TLK1: variants seen among roughly 807,000 people sequenced by gnomAD.
The protein encoded by TLK1 is serine/threonine-protein kinase tousled-like 1.
A neutral mutation model predicts 105.3 loss-of-function variants in TLK1; 24 were observed. That is an observed-to-expected ratio of 0.23 (90% CI 0.17 to 0.32). TLK1 has a LOEUF of 0.32. Ranked by LOEUF, TLK1 falls within the 10% of genes least tolerant of loss-of-function variation. The pLI, the probability that TLK1 is intolerant of heterozygous loss-of-function variation, is 1.00. For synonymous variants in TLK1, 321 were observed against 310.4 expected (o/e 1.03, Z -0.36); for missense variants, 558 against 910.5 (o/e 0.61, Z 4.98).
chr2:171,031,179 A>T (rs1350989914), intron 11 of TLK1, among the ~76,000 whole-genome samples: 1 of 152,212 alleles, frequency 6.6e-6, no homozygotes, highest in Non-Finnish European at 1.5e-5. Context: ...GCCATTTCTT[A>T]CATTTTCTCT....
At chr2:171,055,514 GATT>G (rs1398967231) in intron 6 of TLK1, among the ~76,000 whole-genome samples, 2 of 151,614 alleles carry the variant, frequency 1.3e-5, no homozygotes, top group Non-Finnish European at 3.0e-5. Context: ...ATTAAACAAT[GATT>G]ATGATAGTTG....
intron 18 of TLK1, among the ~76,000 whole-genome samples, chr2:171,002,311 T>C (rs1273783127): frequency 6.6e-6 from 1 of 151,994 alleles, no homozygotes; most frequent in Non-Finnish European, 1.5e-5. Flanking sequence ...CAGGCTGGAG[T>C]GCCATGGCAC....
chr2:170,999,716 G>C (rs1684264887), intron 18 of TLK1, among the ~76,000 whole-genome samples: 1 of 152,180 alleles, frequency 6.6e-6, no homozygotes. Context: ...CAATATAGGG[G>C]TTGGAGGCAC....
intron 12 of TLK1, among the ~76,000 whole-genome samples, chr2:171,018,820 G>C (rs1482989531): frequency 2.0e-5 from 3 of 152,114 alleles, no homozygotes; most frequent in Non-Finnish European, 4.4e-5. Flanking sequence ...CTCCAGAAAT[G>C]AACTGGTCTC....
chr2:171,150,852 T>C (rs2105596212), intron 1 of TLK1, among the ~76,000 whole-genome samples: 1 of 152,318 alleles, frequency 6.6e-6, no homozygotes, highest in South Asian at 2.1e-4. Context: ...TGTTATTACG[T>C]GTAACCAAAG....
intron 1 of TLK1, among the ~76,000 whole-genome samples, chr2:171,201,776 G>T (rs1235151809): frequency 6.6e-6 from 1 of 152,152 alleles, no homozygotes; most frequent in African/African-American, 2.4e-5. Context: ...TTCACGCACG[G>T]TCTCTGCAGG....
At chr2:171,076,532 G>A (rs1349139399) in intron 3 of TLK1, among the ~76,000 whole-genome samples, 1 of 152,056 alleles carries the variant, frequency 6.6e-6, no homozygotes, top group Non-Finnish European at 1.5e-5. Context: ...TGAGACACAA[G>A]ATCATTGTGT....
At chr2:171,177,431 C>CTGCACCTGGCCTTGCATTTTTGAATG (rs1427459604) in intron 1 of TLK1, among the ~76,000 whole-genome samples, 1 of 152,178 alleles carries the variant, frequency 6.6e-6, no homozygotes, top group African/African-American at 2.4e-5. Flanking sequence ...GCATTAGCCA[C>CTGCACCTGGCCTTGCATTTTTGAATG]CTCATTGGGC....
At position 171,222,581 on chromosome 2, in the gene TLK1, C is replaced by G. The variant is rs919664052; in HGVS notation, c.-6+8564G>C. On this transcript the variant is annotated intron_variant, in intron 1 of 20. Transcript: ENST00000521943. Reference sequence around the variant, plus strand: ...GCCTGGGCTCAAGTGATCCACCCCCCTCTGCCTCCCAAAGTGGTCTTTTTA... The same window carrying G: ...GCCTGGGCTCAAGTGATCCACCCCCGTCTGCCTCCCAAAGTGGTCTTTTTA... Among the ~76,000 whole-genome samples, 6 of 152,218 alleles carry G rather than the reference C, an allele frequency of 3.9e-5. No individual in the cohort carries two copies. In the South Asian group the frequency reaches 8.3e-4, roughly 21 times the overall value.
intron 1 of TLK1, among the ~76,000 whole-genome samples, chr2:171,224,944 C>A (rs576756104): frequency 1.9e-4 from 29 of 152,190 alleles, no homozygotes; most frequent in Middle Eastern, 3.4e-3. Context: ...GGTTTCATGA[C>A]AATTCAATGA....
chr2:171,170,281 G>T (rs1692701947), intron 1 of TLK1, among the ~76,000 whole-genome samples: 1 of 152,146 alleles, frequency 6.6e-6, no homozygotes, highest in South Asian at 2.1e-4. Context: ...CATTAAAATA[G>T]AATTCAAAGC....
At chr2:171,146,625 G>A (rs921442674) in intron 1 of TLK1, among the ~76,000 whole-genome samples, 5 of 152,058 alleles carry the variant, frequency 3.3e-5, no homozygotes, top group Admixed American at 2.0e-4. Context: ...TTGGCTTTGG[G>A]CTCTTGATAA....
chr2:171,032,636 G>T (rs182980022), intron 11 of TLK1, among the ~76,000 whole-genome samples: 2 of 152,238 alleles, frequency 1.3e-5, no homozygotes, highest in Admixed American at 6.5e-5. Context: ...ACAGATTGGA[G>T]ACTTTCAAAA....
intron 12 of TLK1, among the ~76,000 whole-genome samples, chr2:171,027,840 G>A (rs761190186): frequency 8.5e-5 from 13 of 152,160 alleles, no homozygotes; most frequent in Non-Finnish European, 1.8e-4. Flanking sequence ...ACAAGATAAA[G>A]GAATGTTGTT....
In TLK1 at chr2:171,027,859, C is replaced by T. The variant is rs553639925; in HGVS notation, c.1236+480G>A. Among the ~76,000 whole-genome samples the T allele has an allele frequency of 5.9e-5, 9 of 152,260 alleles. No homozygotes were observed. The South Asian group carries it at 1.2e-3, about 21-fold the overall frequency. On this transcript the variant is annotated intron_variant, in intron 12 of 20. Transcript: ENST00000431350. ...GATAAAGGAATGTTGTTTTAATATA[C>T]TCAACATAAAAATGTAATTTTGGCC...
chr2:171,104,877 A>G (rs1441280052), intron 2 of TLK1, among the ~76,000 whole-genome samples: 2 of 152,248 alleles, frequency 1.3e-5, no homozygotes. Context: ...AATAGAACCC[A>G]GAAATAAATC....
chr2:171,069,099 T>C (rs1417064239), intron 3 of TLK1, among the ~76,000 whole-genome samples: 1 of 152,254 alleles, frequency 6.6e-6, no homozygotes, highest in Non-Finnish European at 1.5e-5. Flanking sequence ...GCAAATTTGA[T>C]AATTACTGTA....
intron 1 of TLK1, among the ~76,000 whole-genome samples, chr2:171,186,835 G>A (rs752043360): frequency 3.6e-4 from 54 of 151,944 alleles, no homozygotes; most frequent in Non-Finnish European, 7.5e-4. Context: ...CGAGACGGGT[G>A]GATCACGAGG....
At chr2:171,074,419 G>C (rs950080117) in intron 3 of TLK1, among the ~76,000 whole-genome samples, 1 of 152,046 alleles carries the variant, frequency 6.6e-6, no homozygotes, top group African/African-American at 2.4e-5. Context: ...TTTGAGGTCA[G>C]GAGTTTGAAA....
Sources: allele counts gnomAD v4.1 joint callset (sites outside exome capture counted in the v4.1 genomes callset), GRCh38; gene constraint gnomAD v4.1.1; transcripts MANE v1.5; gene names NCBI Gene and HGNC (gene_info 2026-07-23, HGNC 2026-07-21).